Variants in USP36 observed in about 807,000 individuals in gnomAD.
USP36 encodes ubiquitin carboxyl-terminal hydrolase 36.
USP36 carries 59 observed loss-of-function variants against 111.5 expected under a neutral mutation model. That is an observed-to-expected ratio of 0.53 (90% CI 0.43 to 0.66). The LOEUF is 0.66. USP36 is among the 30% of genes least tolerant of loss of function. The pLI, the probability that USP36 is intolerant of heterozygous loss-of-function variation, is 0.00. For synonymous variants in USP36, 628 were observed against 581.0 expected, an observed-to-expected ratio of 1.08 and a Z score of -1.16; for missense variants, 1,488 against 1,468.0, an observed-to-expected ratio of 1.01 and a Z score of -0.22.
At chr17:78,800,631 C>T (rs1260761602) in intron 17 of USP36, among the ~76,000 whole-genome samples, 1 of 152,240 alleles carries the variant, frequency 6.6e-6, no homozygotes, top group African/African-American at 2.4e-5. Flanking sequence ...CCCAGGGACC[C>T]GGCCATGCAG....
intron 13 of USP36, among the ~76,000 whole-genome samples, chr17:78,811,103 C>A (rs1327284674): frequency 6.8e-6 from 1 of 146,662 alleles, no homozygotes; most frequent in Non-Finnish European, 1.5e-5. Flanking sequence ...TGCACTCCAG[C>A]CTCAGTGACA....
intron 11 of USP36, 21 bp downstream of exon 11, chr17:78,814,391 G>A (rs1455918457): frequency 1.2e-6 from 2 of 1,613,324 alleles, no homozygotes; most frequent in Non-Finnish European, 1.7e-6. Context: ...GGAGGCAGCT[G>A]CACTGACACA....
intron 13 of USP36, among the ~76,000 whole-genome samples, chr17:78,812,393 T>C (rs2094081929): frequency 6.6e-6 from 1 of 151,870 alleles, no homozygotes; most frequent in Non-Finnish European, 1.5e-5. Context: ...GATGACCAGT[T>C]TAAGAAATAA....
intron 2 of USP36, among the ~76,000 whole-genome samples, chr17:78,836,753 CAG>C (rs1195622904): frequency 1.3e-5 from 2 of 151,972 alleles, no homozygotes; most frequent in Non-Finnish European, 1.5e-5. Flanking sequence ...TGCTCCAAAA[CAG>C]GGGCACACTA....
At position 78,803,118 on chromosome 17, in the gene USP36, G is replaced by A. The variant is rs953066744; in HGVS notation, c.2810+267C>T. Among the ~76,000 whole-genome samples the A allele has an allele frequency of 4.6e-5, 7 of 151,824 alleles. No individual in the cohort carries two copies. Among genetic ancestry groups the A allele is most frequent in the African/African-American group, 1.7e-4 (7 of 41,330 alleles). On this transcript the variant is annotated intron_variant, in intron 16 of 20. Coordinates refer to ENST00000449938, the MANE Select transcript of USP36 (RefSeq NM_001385174.1). This position sits in a 1 kb window ranked among gnomAD's most constrained non-coding sequence, Gnocchi z 4.6. ...CATGCCCAACCAATTTTTGTTTTTG[G>A]TAGAGAAAGGGCTTTTCCATATTGC...
chr17:78,822,843 C>A (rs1004934158), intron 6 of USP36, among the ~76,000 whole-genome samples: 1 of 152,202 alleles, frequency 6.6e-6, no homozygotes, highest in Non-Finnish European at 1.5e-5. Flanking sequence ...AGGCATGAGG[C>A]CAGCTGGGTC....
intron 4 of USP36, among the ~76,000 whole-genome samples, chr17:78,831,386 G>A (rs2068093777): frequency 6.6e-6 from 1 of 151,928 alleles, no homozygotes; most frequent in South Asian, 2.1e-4. Context: ...GGTGAGGCGG[G>A]TGGAACACGT....
chr17:78,821,009 G>A lies in USP36; in HGVS notation c.810C>T (p.Asp270=), dbSNP rs8065170. 7,552 of 1,609,016 alleles carry A rather than the reference G, an allele frequency of 4.7e-3. 316 individuals carry two copies. The African/African-American group carries it at 0.086, about 18-fold the overall frequency. Residue 270 remains aspartate, a synonymous_variant, in exon 8 of 21, where the codon GAC becomes GAT. Transcript: ENST00000449938. The part of the protein sequence containing the change: ...SVSDTYDPYL[D]VALEIRQAAN... ...TCTGTACCCGGATCTCCAGCGCGAC[G>A]TCCAAGTAGGGGTCGTAGGTGTCCG...
chr17:78,789,150 T>C lies in USP36; in HGVS notation c.*21-1492A>G, dbSNP rs150634688. Among the ~76,000 whole-genome samples the C allele has an allele frequency of 2.7e-4, 39 of 146,648 alleles. 2 individuals are homozygous for C. In the East Asian group the frequency reaches 7.7e-3, roughly 29 times the overall value. On this transcript the variant is annotated intron_variant, in intron 3 of 3. Transcript: ENST00000588130. ...AGGCAGAGGTTGCAGTGAGTCGAGA[T>C]TGCGCCATTGCACCCCAGCCTGGGC...
At position 78,802,447 on chromosome 17, in the gene USP36, G is replaced by A. The variant is rs773610087; in HGVS notation, c.2899C>T (p.Arg967Trp). 8 of 1,609,218 alleles carry A rather than the reference G, an allele frequency of 5.0e-6. No individual in the cohort carries two copies. The highest frequency in any genetic ancestry group is 2.7e-5 in the African/African-American group (2 of 74,784). ...KKKKRKQETQ[R>W]AVEEDGHLKC... is the part of the protein sequence containing the mutation. Reference sequence around the variant, plus strand: ...AGATGCCCATCCTCTTCTACTGCCCGCTGTGTCTCCTGCTTTCTTTTTTTC... The same window carrying A: ...AGATGCCCATCCTCTTCTACTGCCCACTGTGTCTCCTGCTTTCTTTTTTTC... Residue 967 changes from arginine to tryptophan, a missense_variant, in exon 17 of 21, where the codon CGG (arginine) becomes TGG (tryptophan). This residue lies in a region of USP36 where 1,073 missense variants were observed against 994.1 expected (regional missense o/e 1.08). Transcript: ENST00000449938.
At position 78,803,762 on chromosome 17, in the gene USP36, C is replaced by G; in HGVS notation, c.2433G>C (p.Lys811Asn). The change falls in exon 16 of 21, where the codon AAG becomes AAC. Residue 811 changes from lysine to asparagine, a missense_variant. This residue lies in a region of USP36 where 1,073 missense variants were observed against 994.1 expected (regional missense o/e 1.08). Transcript: ENST00000449938. This position sits in a 1 kb window ranked among gnomAD's most constrained non-coding sequence, Gnocchi z 4.6. Reference sequence around the variant, plus strand: ...GCTCTCCCACAAAGGTCTTTTTCCTCTTCTCAGAGGGGCTCTGGGGGGGCT... The same window carrying G: ...GCTCTCCCACAAAGGTCTTTTTCCTGTTCTCAGAGGGGCTCTGGGGGGGCT... ...ASEPPQSPSE[K>N]RKKTFVGEPQ... 1 of 1,612,794 alleles carries G rather than the reference C, an allele frequency of 6.2e-7. No homozygotes were observed. Among genetic ancestry groups the G allele is most frequent in the Non-Finnish European group, 8.5e-7 (1 of 1,179,978 alleles).
intron 9 of USP36, 122 bp from the exon 10 acceptor site, chr17:78,818,900 G>T: frequency 2.1e-6 from 2 of 967,446 alleles, no homozygotes; most frequent in South Asian, 3.0e-5. Context: ...TCATCAATGA[G>T]ATTTCGACCT....
chr17:78,794,371 C>T (rs2093606314), downstream of USP36, among the ~76,000 whole-genome samples: 1 of 152,210 alleles, frequency 6.6e-6, no homozygotes, highest in African/African-American at 2.4e-5. Flanking sequence ...ACCTGACTTA[C>T]AGTTAGCCAG....
At chr17:78,829,881 C>G (rs929155316) in intron 4 of USP36, among the ~76,000 whole-genome samples, 2 of 152,164 alleles carry the variant, frequency 1.3e-5, no homozygotes, top group Non-Finnish European at 2.9e-5. Flanking sequence ...GCTGGGACTA[C>G]AGGCTCGTGC....
At chr17:78,838,371 C>CAAAAAAAAAAA (rs1195525371) in intron 2 of USP36, among the ~76,000 whole-genome samples, 56 of 58,466 alleles carry the variant, frequency 9.6e-4, no homozygotes, top group African/African-American at 3.1e-3. Flanking sequence ...GACTTGGTCT[C>CAAAAAAAAAAA]AAAAAAAAAA....
intron 10 of USP36, among the ~76,000 whole-genome samples, chr17:78,815,001 A>T (rs1282609423): frequency 2.0e-5 from 3 of 151,828 alleles, no homozygotes; most frequent in African/African-American, 7.3e-5. Flanking sequence ...ATGGGTGTGC[A>T]GCAACGCTGT....
At chr17:78,836,658 C>G (rs2068702587) in intron 2 of USP36, among the ~76,000 whole-genome samples, 1 of 152,182 alleles carries the variant, frequency 6.6e-6, no homozygotes, top group Non-Finnish European at 1.5e-5. Flanking sequence ...CCATGTGCAT[C>G]TCTTCATCAG....
At position 78,803,462 on chromosome 17, in the gene USP36, G is replaced by A. The variant is rs563529475; in HGVS notation, c.2733C>T (p.Ser911=). ...CTCCTTTCCTCCTCCGCTTCCTGCTGCTCGCGTGGTGGCCGTCCGTAACAC... is the reference window on the plus strand; with the variant it reads ...CTCCTTTCCTCCTCCGCTTCCTGCTACTCGCGTGGTGGCCGTCCGTAACAC... ...VGCVTDGHHA[S]SRKRRRKGAE... The change falls in exon 16 of 21, where the codon AGC becomes AGT. Residue 911 remains serine, a synonymous_variant. Coordinates refer to ENST00000449938, the MANE Select transcript of USP36 (RefSeq NM_001385174.1). The surrounding 1 kb of genome is among the most constrained non-coding windows in gnomAD (Gnocchi z 4.6). The A allele has an allele frequency of 6.2e-7, 1 of 1,613,990 alleles. No homozygotes were observed. The highest frequency in any genetic ancestry group is 2.2e-5 in the East Asian group (1 of 44,888).
At chr17:78,840,282 G>C (rs1004485018) in intron 1 of USP36, 1 of 152,548 alleles carries the variant, frequency 6.6e-6, no homozygotes, top group Non-Finnish European at 1.5e-5. Flanking sequence ...ACCGCACCCC[G>C]CCCCGGGCTC....
Sources: allele counts gnomAD v4.1 joint callset (sites outside exome capture counted in the v4.1 genomes callset), GRCh38; gene constraint gnomAD v4.1.1; regional missense constraint gnomAD v4.1.1; non-coding constraint Gnocchi (gnomAD v3.1); transcripts MANE v1.5; gene names NCBI Gene and HGNC (gene_info 2026-07-23, HGNC 2026-07-21).